The following MCM2 variants were observed in gnomAD, a reference collection of about 807,000 sequenced individuals.
The protein encoded by MCM2 is DNA replication licensing factor MCM2.
A neutral mutation model predicts 86.4 loss-of-function variants in MCM2; 49 were observed. The ratio of observed to expected loss-of-function variants is 0.57; its 90% CI spans 0.45 to 0.72. MCM2 has a LOEUF of 0.72. Ranked by LOEUF, MCM2 falls within the 30% of genes least tolerant of loss-of-function variation. The probability of loss-of-function intolerance (pLI) is 0.00; values close to 1 mark genes in which losing one functional copy is unlikely to be tolerated. For synonymous variants in MCM2, 475 were observed against 484.6 expected, an observed-to-expected ratio of 0.98 and a Z score of 0.26; for missense variants, 1,038 against 1,259.9, an observed-to-expected ratio of 0.82 and a Z score of 2.67.
chr3:127,600,342 C>T (rs2074298618), intron 2 of MCM2, among the ~76,000 whole-genome samples: 3 of 152,296 alleles, frequency 2.0e-5, no homozygotes, highest in East Asian at 1.9e-4. Context: ...GTAAGCTCTG[C>T]GCATAAGCAA....
chr3:127,612,699 G>A (rs1363654545), intron 8 of MCM2, among the ~76,000 whole-genome samples: 10 of 152,090 alleles, frequency 6.6e-5, no homozygotes, highest in Non-Finnish European at 1.2e-4. Flanking sequence ...CTTTTTCTCC[G>A]TTTGCTGGGT....
chr3:127,616,848 C>A lies in MCM2; in HGVS notation c.1523-20C>A. The A allele has an allele frequency of 6.2e-7, 1 of 1,605,684 alleles. No homozygotes were observed. The highest frequency in any genetic ancestry group is 8.5e-7 in the Non-Finnish European group (1 of 1,173,522). On this transcript the variant is annotated intron_variant, in intron 9 of 15. Transcript: ENST00000265056. ...CACTTCCCACTCTCCCCCTCCCCCG[C>A]TTCTACTCATCCCCTCCAGGTGGCA...
At position 127,619,161 on chromosome 3, in the gene MCM2, C is replaced by T. The variant is rs1164493462; in HGVS notation, c.2148C>T (p.Pro716=). 3 of 1,614,038 alleles carry T rather than the reference C, an allele frequency of 1.9e-6. No individual in the cohort carries two copies. Among genetic ancestry groups the T allele is most frequent in the East Asian group, 2.2e-5 (1 of 44,890 alleles). ...MPNTYGVEPL[P]QEVLKKYIIY... is the part of the protein sequence containing the mutation. ...ACACGTATGGCGTGGAGCCCCTGCCCCAGGAGGTCCTGAAGAAGTACATCA... is the reference window on the plus strand; with the variant it reads ...ACACGTATGGCGTGGAGCCCCTGCCTCAGGAGGTCCTGAAGAAGTACATCA... The change falls in exon 13 of 16, where the codon CCC becomes CCT. Residue 716 remains proline, a synonymous_variant. Transcript: ENST00000265056.
At chr3:127,600,809 AG>A (rs1301773129) in intron 2 of MCM2, among the ~76,000 whole-genome samples, 1 of 149,394 alleles carries the variant, frequency 6.7e-6, no homozygotes, top group Non-Finnish European at 1.5e-5. Flanking sequence ...GGCCCTTGGC[AG>A]GGGGCTTCTG....
At position 127,609,975 on chromosome 3, in the gene MCM2, G is replaced by C. The variant is rs1320205089; in HGVS notation, c.1428+952G>C. On this transcript the variant is annotated intron_variant, in intron 8 of 15. Coordinates refer to ENST00000265056, the MANE Select transcript of MCM2 (RefSeq NM_004526.4). ...TTCTTGTGCCTCAGCCTCCCGAGTA[G>C]CTGGGATTACAGGCACACATCACCG... 2.7e-5 allele frequency among the ~76,000 whole-genome samples: 4 copies of C among 150,308 alleles called. No homozygotes were observed. In the Admixed American group the frequency reaches 2.7e-4, roughly 10 times the overall value.
In MCM2 at chr3:127,606,074, G is replaced by A; in HGVS notation, c.674-44G>A. On this transcript the variant is annotated intron_variant, in intron 4 of 15. Coordinates refer to ENST00000265056, the MANE Select transcript of MCM2 (RefSeq NM_004526.4). The surrounding 1 kb of genome is among the most constrained non-coding windows in gnomAD (Gnocchi z 4.2). ...CAGGCATTGTTGCAGCCCAGCCCAG[G>A]CCTCATGCTTAGTTAACTCTCTTCC... is the stretch of plus-strand genomic sequence containing the variant. 3 of 1,487,502 alleles carry A rather than the reference G, an allele frequency of 2.0e-6. No individual in the cohort carries two copies. Among genetic ancestry groups the A allele is most frequent in the Non-Finnish European group, 2.8e-6 (3 of 1,065,810 alleles). The allele number at this position is 1,487,502 out of a possible 1,614,324, so 92.1% of individuals were successfully genotyped here.
chr3:127,599,614 C>G (rs2074292004), intron 2 of MCM2, 67 bp downstream of exon 2: 2 of 1,445,254 alleles, frequency 1.4e-6, no homozygotes, highest in Non-Finnish European at 1.9e-6. Context: ...TGCCTGGTGG[C>G]CTGGCTTTGG....
At chr3:127,612,949 A>G (rs893710539) in intron 8 of MCM2, among the ~76,000 whole-genome samples, 1 of 152,228 alleles carries the variant, frequency 6.6e-6, no homozygotes, top group African/African-American at 2.4e-5. Context: ...TAATTCATGG[A>G]AAGCGCTGTT....
chr3:127,620,699 C>G lies in MCM2; in HGVS notation c.2267C>G (p.Ala756Gly). Residue 756 changes from alanine (A) to glycine (G), a missense_variant and splice_region_variant, in exon 14 of 16, where the codon GCG (alanine) becomes GGG (glycine). Coordinates refer to ENST00000265056, the MANE Select transcript of MCM2 (RefSeq NM_004526.4). Reference protein sequence around the residue: ...MYSDLRKESMATGSIPITVRH... With the variant: ...MYSDLRKESMGTGSIPITVRH... ...ACCTGACACTGTGCTTCTCTCCAGGCGACAGGCAGCATCCCCATTACGGTG... is the reference window on the plus strand; with the variant it reads ...ACCTGACACTGTGCTTCTCTCCAGGGGACAGGCAGCATCCCCATTACGGTG... The G allele has an allele frequency of 1.3e-6, 2 of 1,586,460 alleles. No homozygotes were observed. The highest frequency in any genetic ancestry group is 2.3e-5 in the South Asian group (2 of 88,298).
intron 13 of MCM2, among the ~76,000 whole-genome samples, chr3:127,620,198 G>A (rs2107696778): frequency 6.6e-6 from 1 of 152,332 alleles, no homozygotes; most frequent in Non-Finnish European, 1.5e-5. Flanking sequence ...ACTTAAAGCA[G>A]CTTGCAAGCC....
chr3:127,622,019 C>T lies in MCM2; in HGVS notation c.*246C>T, dbSNP rs866214728. The T allele has an allele frequency of 9.0e-6, 4 of 446,316 alleles. No individual in the cohort carries two copies. The highest frequency in any genetic ancestry group is 6.0e-5 in the African/African-American group (3 of 49,644). The allele number at this position is 446,316 out of a possible 1,614,324, so 27.6% of individuals were successfully genotyped here. A position where few individuals can be genotyped will look rare whatever the true frequency, so the allele number is the denominator to read the frequency against. Reference sequence around the variant, plus strand: ...TTGGTTGCTGAACATCTTGCCACCTCCGAGTGCTTTGTCTCCACTCAGTAC... The same window carrying T: ...TTGGTTGCTGAACATCTTGCCACCTTCGAGTGCTTTGTCTCCACTCAGTAC... On this transcript the variant is annotated 3_prime_UTR_variant, in exon 16 of 16. Coordinates refer to ENST00000265056, the MANE Select transcript of MCM2 (RefSeq NM_004526.4).
At chr3:127,608,786 C>T (rs1299163860) in intron 7 of MCM2, 46 bp from the exon 8 acceptor site, 12 of 1,587,908 alleles carry the variant, frequency 7.6e-6, no homozygotes, top group Non-Finnish European at 1.0e-5. Flanking sequence ...CGGAGGTGGG[C>T]ACCCCTGGGT....
At position 127,606,737 on chromosome 3, in the gene MCM2, C is replaced by G. The variant is rs1185069450; in HGVS notation, c.1021C>G (p.Gln341Glu). ...KCNFVLGPFC[Q>E]SQNQEVKPGS... Reference sequence around the variant, plus strand: ...CAATTTCGTCCTGGGTCCTTTCTGCCAGTCCCAGAACCAGGAGGTGAAACC... The same window carrying G: ...CAATTTCGTCCTGGGTCCTTTCTGCGAGTCCCAGAACCAGGAGGTGAAACC... The change falls in exon 6 of 16, where the codon CAG becomes GAG. Residue 341 changes from glutamine (Q) to glutamate (E), a missense_variant. Transcript: ENST00000265056. This position sits in a 1 kb window ranked among gnomAD's most constrained non-coding sequence, Gnocchi z 4.2. 5 of 1,614,210 alleles carry G rather than the reference C, an allele frequency of 3.1e-6. No homozygotes were observed. The highest frequency in any genetic ancestry group is 2.5e-6 in the Non-Finnish European group (3 of 1,180,034).
At position 127,620,860 on chromosome 3, in the gene MCM2, G is replaced by T; in HGVS notation, c.2428G>T (p.Val810Phe). 4 of 1,609,686 alleles carry T rather than the reference G, an allele frequency of 2.5e-6. No individual in the cohort carries two copies. The change falls in exon 14 of 16, where the codon GTC becomes TTC. Residue 810 changes from valine to phenylalanine, a missense_variant. By Grantham distance (50) the Val-to-Phe change is conservative (BLOSUM62 -1). Transcript: ENST00000265056. ...ESFIDTQKFS[V>F]MRSMRKTFAR... ...CTTCATAGACACACAGAAGTTCAGCGTCATGCGCAGCATGCGCAAGGTGGG... is the reference window on the plus strand; with the variant it reads ...CTTCATAGACACACAGAAGTTCAGCTTCATGCGCAGCATGCGCAAGGTGGG...
At chr3:127,605,819 T>C (rs971810684) in intron 4 of MCM2, among the ~76,000 whole-genome samples, 3 of 152,188 alleles carry the variant, frequency 2.0e-5, no homozygotes, top group East Asian at 3.9e-4. Context: ...TGTTTGTCAG[T>C]TTCTTCCTGG....
In MCM2 at chr3:127,620,760, C is replaced by G; in HGVS notation, c.2328C>G (p.Ala776=). 5 of 1,613,918 alleles carry G rather than the reference C, an allele frequency of 3.1e-6. 1 individual carries two copies. In the South Asian group the frequency reaches 3.3e-5, roughly 11 times the overall value. ...HIESMIRMAE[A]HARIHLRDYV... is the part of the protein sequence containing the mutation. ...AGTCCATGATCCGCATGGCGGAGGC[C>G]CACGCGCGCATCCATCTGCGGGACT... Residue 776 remains alanine (A), a synonymous_variant, in exon 14 of 16, where the codon GCC becomes GCG. Transcript: ENST00000265056.
rs1321943976 is a variant in MCM2 at position 127,605,086 on chromosome 3, C to T, written c.603C>T (p.Asn201=). 3 of 1,614,064 alleles carry T rather than the reference C, an allele frequency of 1.9e-6. No individual in the cohort carries two copies. ...PRLEIHHRFK[N]FLRTHVDSHG... The stretch of plus-strand genomic sequence containing the variant: ...TGGAGATCCACCACCGCTTCAAGAA[C>T]TTCCTGCGCACTCACGTCGACAGCC... Residue 201 remains asparagine (N), a synonymous_variant, in exon 4 of 16, where the codon AAC becomes AAT. Coordinates refer to ENST00000265056, the MANE Select transcript of MCM2 (RefSeq NM_004526.4).
Position 127,617,512 on chromosome 3 carries a change from T to C in MCM2, c.1900+107T>C, listed in dbSNP as rs1576419447. 5 of 1,383,628 alleles carry C rather than the reference T, an allele frequency of 3.6e-6. No homozygotes were observed. The highest frequency in any genetic ancestry group is 4.8e-6 in the Non-Finnish European group (5 of 1,036,438). The allele number at this position is 1,383,628 out of a possible 1,614,324, so 85.7% of individuals were successfully genotyped here. A position where few individuals can be genotyped will look rare whatever the true frequency, so the allele number is the denominator to read the frequency against. ...CCCAGGAGCCGATCTGAGGAAGTCA[T>C]TGTGCAGCAGAGGGTTCCCCTCTTC... On this transcript the variant is annotated intron_variant, in intron 11 of 15. Transcript: ENST00000265056. The surrounding 1 kb of genome is among the most constrained non-coding windows in gnomAD (Gnocchi z 4.1).
At chr3:127,605,611 T>C (rs1046415728) in intron 4 of MCM2, among the ~76,000 whole-genome samples, 3 of 152,002 alleles carry the variant, frequency 2.0e-5, no homozygotes, top group African/African-American at 7.2e-5. Flanking sequence ...TGACTAATTT[T>C]TTTTTTTTAG....
Sources: gnomAD v4.1 joint callset for allele counts (sites outside exome capture counted in the v4.1 genomes callset) on GRCh38, gnomAD v4.1.1 for gene constraint, Gnocchi (gnomAD v3.1) non-coding constraint, MANE v1.5 for transcripts, NCBI Gene and HGNC (gene_info 2026-07-23, HGNC 2026-07-21) for gene names.